Variants in ABCA8 observed in about 807,000 individuals in gnomAD.
ABCA8 encodes the protein ATP binding cassette subfamily A member 8.
ABCA8 carries 177 observed loss-of-function variants against 192.3 expected under a neutral mutation model. The observed-to-expected ratio is 0.92, with a 90% CI of 0.81 to 1.04. The LOEUF is 1.04. ABCA8 is among the 50% of genes least tolerant of loss of function. The probability of loss-of-function intolerance (pLI) is 0.00; values close to 1 mark genes in which losing one functional copy is unlikely to be tolerated. For synonymous variants in ABCA8, 642 were observed against 690.2 expected (o/e 0.93, Z 1.09); for missense variants, 1,915 against 1,904.8 (o/e 1.01, Z -0.10).
intron 21 of ABCA8, among the ~76,000 whole-genome samples, chr17:68,901,427 C>G (rs770487862): frequency 1.8e-4 from 28 of 152,276 alleles, no homozygotes; most frequent in Middle Eastern, 3.4e-3. Context: ...TCACAAGATA[C>G]TACTTGACAT....
intron 26 of ABCA8, among the ~76,000 whole-genome samples, chr17:68,886,316 T>C (rs1312004122): frequency 2.6e-5 from 4 of 152,168 alleles, no homozygotes; most frequent in African/African-American, 9.7e-5. Context: ...ATGGCCATTG[T>C]GCACCTTGTT....
intron 37 of ABCA8, among the ~76,000 whole-genome samples, chr17:68,872,108 G>A (rs1380056690): frequency 6.6e-6 from 1 of 151,890 alleles, no homozygotes; most frequent in African/African-American, 2.4e-5. Context: ...TATAAATCAT[G>A]CTGCTATAAA....
intron 14 of ABCA8, 147 bp from the exon 15 acceptor site, chr17:68,918,693 G>A: frequency 1.4e-6 from 1 of 717,968 alleles, no homozygotes; most frequent in Non-Finnish European, 2.1e-6. Context: ...CAGCACTTTG[G>A]GAGGCTGAGG....
chr17:68,936,335 C>T (rs183066224), intron 5 of ABCA8, among the ~76,000 whole-genome samples: 1 of 151,954 alleles, frequency 6.6e-6, no homozygotes, highest in Non-Finnish European at 1.5e-5. Flanking sequence ...GGTTTTAATC[C>T]ATCTTGAGTT....
chr17:68,889,431 A>C (rs1406479193), intron 24 of ABCA8, among the ~76,000 whole-genome samples: 1 of 152,248 alleles, frequency 6.6e-6, no homozygotes, highest in Non-Finnish European at 1.5e-5. Context: ...GAGTGTCTGT[A>C]AATAAACATT....
intron 2 of ABCA8, 75 bp from the exon 3 acceptor site, chr17:68,942,114 A>C: frequency 8.9e-7 from 1 of 1,128,480 alleles, no homozygotes; most frequent in Non-Finnish European, 1.3e-6. Flanking sequence ...GCAAACAACA[A>C]AAAAACGTAG....
At chr17:68,936,318 A>G (rs1056962568) in intron 5 of ABCA8, among the ~76,000 whole-genome samples, 1 of 152,014 alleles carries the variant, frequency 6.6e-6, no homozygotes, top group East Asian at 1.9e-4. Flanking sequence ...TTCAGGTCCT[A>G]TGTTTAGGTT....
intron 37 of ABCA8, among the ~76,000 whole-genome samples, chr17:68,872,158 A>G (rs976244645): frequency 6.6e-6 from 1 of 151,968 alleles, no homozygotes; most frequent in Non-Finnish European, 1.5e-5. Context: ...ATTATTCACA[A>G]TAGCAAAGAC....
At chr17:68,949,232 A>C (rs1434777732) in intron 2 of ABCA8, 80 bp downstream of exon 2, 2 of 152,216 alleles carry the variant, frequency 1.3e-5, no homozygotes, top group African/African-American at 4.8e-5. Flanking sequence ...ACACCCTCCT[A>C]AGACTAAACC....
intron 17 of ABCA8, among the ~76,000 whole-genome samples, chr17:68,910,650 C>G (rs978906559): frequency 6.6e-6 from 1 of 152,158 alleles, no homozygotes; most frequent in Non-Finnish European, 1.5e-5. Context: ...CAACACCAGA[C>G]AGTGCAGCTC....
chr17:68,921,211 G>T (rs933977032), intron 13 of ABCA8, among the ~76,000 whole-genome samples, 171 bp downstream of exon 13: 24 of 152,150 alleles, frequency 1.6e-4, no homozygotes, highest in African/African-American at 5.5e-4. Context: ...GGGGTGGGGG[G>T]AGTGGGGAGG....
intron 4 of ABCA8, among the ~76,000 whole-genome samples, chr17:68,938,299 G>T (rs1010142563): frequency 6.6e-6 from 1 of 152,096 alleles, no homozygotes; most frequent in African/African-American, 2.4e-5. Context: ...GGAAACTCTG[G>T]CCATAGACAG....
At chr17:68,938,775 G>A (rs1225296947) in intron 4 of ABCA8, among the ~76,000 whole-genome samples, 1 of 152,138 alleles carries the variant, frequency 6.6e-6, no homozygotes, top group Non-Finnish European at 1.5e-5. Flanking sequence ...GCCTGATACT[G>A]ACATCCTGTA....
At chr17:68,933,384 A>G (rs1313423442) in intron 5 of ABCA8, 113 bp from the exon 6 acceptor site, 17 of 638,242 alleles carry the variant, frequency 2.7e-5, no homozygotes, top group Non-Finnish European at 4.3e-5. Context: ...CCAAATTCCA[A>G]ATGTTCTTAT....
In ABCA8 at chr17:68,921,494, T is replaced by C. The variant is rs2067532711; in HGVS notation, c.1502-2A>G. 6.3e-7 allele frequency: 1 copy of C among 1,580,188 alleles called. No homozygotes were observed. The highest frequency in any genetic ancestry group is 1.4e-5 in the African/African-American group (1 of 73,934). Reference sequence around the variant, plus strand: ...CTTCGTAAATGTCAAATACCAGATCTAGGAAGAAAAAAAGAAAGGAAAGAA... The same window carrying C: ...CTTCGTAAATGTCAAATACCAGATCCAGGAAGAAAAAAAGAAAGGAAAGAA... On this transcript the variant is annotated splice_acceptor_variant, in intron 12 of 39. Coordinates refer to ENST00000586539, the MANE Select transcript of ABCA8 (RefSeq NM_001288985.2). LOFTEE classifies it high-confidence loss of function.
intron 5 of ABCA8, 73 bp from the exon 6 acceptor site, chr17:68,933,344 T>TAATCAG: frequency 1.0e-6 from 1 of 986,624 alleles, no homozygotes; most frequent in Non-Finnish European, 1.5e-6. Flanking sequence ...TTAATACTGA[T>TAATCAG]TATAGCAAAC....
chr17:68,934,376 G>T (rs886642725), intron 5 of ABCA8, among the ~76,000 whole-genome samples: 5 of 152,100 alleles, frequency 3.3e-5, no homozygotes, highest in Non-Finnish European at 7.4e-5. Flanking sequence ...GGTCAGGATA[G>T]TCTCTTATAT....
intron 1 of ABCA8, among the ~76,000 whole-genome samples, chr17:68,953,459 A>G (rs1381920128): frequency 1.3e-5 from 2 of 152,184 alleles, no homozygotes; most frequent in African/African-American, 4.8e-5. Flanking sequence ...CCAAATCTCA[A>G]GTAAGGTGTC....
At chr17:68,951,480 A>G (rs751668148) in intron 1 of ABCA8, among the ~76,000 whole-genome samples, 7 of 152,194 alleles carry the variant, frequency 4.6e-5, no homozygotes, top group African/African-American at 1.4e-4. Context: ...TATCTATTCA[A>G]TCTTTTTCAT....
Sources: allele counts gnomAD v4.1 joint callset (sites outside exome capture counted in the v4.1 genomes callset), GRCh38; gene constraint gnomAD v4.1.1; transcripts MANE v1.5; gene names NCBI Gene and HGNC (gene_info 2026-07-23, HGNC 2026-07-21).